The following SHTN1 variants were observed in gnomAD, a reference collection of about 807,000 sequenced individuals.
SHTN1 encodes the protein shootin-1.
SHTN1 carries 42 observed loss-of-function variants against 83.1 expected under a neutral mutation model. The ratio of observed to expected loss-of-function variants is 0.51; its 90% confidence interval spans 0.39 to 0.65. The LOEUF (loss-of-function observed/expected upper bound fraction) is 0.65, where lower values mean the gene tolerates loss of function less well. Ranked by LOEUF, SHTN1 falls within the 30% of genes least tolerant of loss-of-function variation. The pLI is 0.00. For missense variants in SHTN1, 622 were observed against 737.8 expected (o/e 0.84, Z 1.82); for synonymous variants, 224 against 247.7 (o/e 0.90, Z 0.90).
chr10:117,001,042 C>T (rs1389314155), intron 1 of SHTN1, among the ~76,000 whole-genome samples: 1 of 151,848 alleles, frequency 6.6e-6, no homozygotes, highest in Non-Finnish European at 1.5e-5. Flanking sequence ...GGAGGGGGAG[C>T]AAATTGTATG....
chr10:116,962,660 T>C (rs1328811615), intron 3 of SHTN1, among the ~76,000 whole-genome samples: 1 of 152,204 alleles, frequency 6.6e-6, no homozygotes, highest in Non-Finnish European at 1.5e-5. Context: ...ATTTATTTTC[T>C]GAACATTTTG....
chr10:116,943,777 C>T (rs1030887639), intron 8 of SHTN1, among the ~76,000 whole-genome samples: 3 of 152,310 alleles, frequency 2.0e-5, no homozygotes, highest in Non-Finnish European at 4.4e-5. Context: ...GCCTTGGATA[C>T]CTCTACCTAG....
intron 14 of SHTN1, among the ~76,000 whole-genome samples, chr10:116,909,744 A>G (rs1398168475): frequency 6.6e-6 from 1 of 152,178 alleles, no homozygotes; most frequent in African/African-American, 2.4e-5. Context: ...CTTGTTTTCT[A>G]CCTGGGGGCT....
chr10:116,948,813 T>G (rs1456721746), intron 7 of SHTN1, 103 bp downstream of exon 7: 2 of 710,834 alleles, frequency 2.8e-6, no homozygotes, highest in Non-Finnish European at 4.1e-6. Flanking sequence ...GGAGAAGATT[T>G]TATTTACAGT....
chr10:116,917,367 C>T (rs914759627), intron 12 of SHTN1, among the ~76,000 whole-genome samples: 21 of 152,240 alleles, frequency 1.4e-4, no homozygotes, highest in Middle Eastern at 3.4e-3. Flanking sequence ...TGCAATGGCA[C>T]GATCTCGGCT....
intron 1 of SHTN1, among the ~76,000 whole-genome samples, chr10:117,083,744 CTTT>C (rs1324277223): frequency 6.6e-6 from 1 of 152,152 alleles, no homozygotes; most frequent in Non-Finnish European, 1.5e-5. Flanking sequence ...TCTTTTTATT[CTTT>C]TTTCTCTAAA....
At chr10:117,012,107 C>T (rs1175443051) in intron 2 of SHTN1, among the ~76,000 whole-genome samples, 7 of 150,088 alleles carry the variant, frequency 4.7e-5, no homozygotes, top group African/African-American at 1.7e-4. Context: ...CCACTGCATT[C>T]CAGCCTGGGC....
chr10:116,885,411 A>G lies in SHTN1; in HGVS notation c.*933T>C, dbSNP rs1021459111. Reference sequence around the variant, plus strand: ...TTTATTCACTGTGGTAGCCTGAAACATTGTATTTTTAGAGACTAACTACTG... The same window carrying G: ...TTTATTCACTGTGGTAGCCTGAAACGTTGTATTTTTAGAGACTAACTACTG... On this transcript the variant is annotated 3_prime_UTR_variant, in exon 17 of 17. Coordinates refer to ENST00000355371, the MANE Select transcript of SHTN1 (RefSeq NM_001127211.3). 1 of 152,548 alleles carries G rather than the reference A, an allele frequency of 6.6e-6. No individual in the cohort carries two copies. The highest frequency in any genetic ancestry group is 1.5e-5 in the Non-Finnish European group (1 of 68,026). 9.4% of individuals were successfully genotyped at this position (152,548 alleles called of 1,614,324 possible). A position where few individuals can be genotyped will look rare whatever the true frequency, so the allele number is the denominator to read the frequency against.
chr10:117,099,009 T>TACACACACACACACACACACAC (rs371738555), intron 1 of SHTN1, among the ~76,000 whole-genome samples: 3 of 141,030 alleles, frequency 2.1e-5, no homozygotes, highest in Non-Finnish European at 4.6e-5. Context: ...GTGGTATGTA[T>TACACACACACACACACACACAC]ACACACACAC....
chr10:116,891,739 C>T (rs2133304251), intron 16 of SHTN1, among the ~76,000 whole-genome samples: 1 of 151,978 alleles, frequency 6.6e-6, no homozygotes, highest in East Asian at 1.9e-4. Flanking sequence ...TCCAAAACTT[C>T]ACAAATTTTT....
intron 2 of SHTN1, among the ~76,000 whole-genome samples, chr10:116,977,519 T>G (rs1412648708): frequency 6.6e-6 from 1 of 152,208 alleles, no homozygotes; most frequent in Non-Finnish European, 1.5e-5. Context: ...AGGTTTACTT[T>G]GGAATTTTGG....
At chr10:116,942,344 C>G (rs1483349472) in intron 8 of SHTN1, among the ~76,000 whole-genome samples, 1 of 151,972 alleles carries the variant, frequency 6.6e-6, no homozygotes, top group African/African-American at 2.4e-5. Flanking sequence ...TCCCAAGTAG[C>G]TGGGACTACA....
intron 9 of SHTN1, among the ~76,000 whole-genome samples, chr10:116,932,072 C>T (rs968466962): frequency 3.3e-5 from 5 of 152,186 alleles, no homozygotes; most frequent in Non-Finnish European, 7.3e-5. Flanking sequence ...ACTTCAAATT[C>T]TGGATTTTGA....
rs549189318 is a variant in SHTN1 at position 116,932,910 on chromosome 10, T to G, written c.859-2908A>C. ...TTCAGTAGGTTCTAGGCACGTATTA[T>G]TTACTAAATGATTTAACTGTAAGTA... On this transcript the variant is annotated intron_variant, in intron 9 of 16. Transcript: ENST00000355371. Among the ~76,000 whole-genome samples, 3 of 152,352 alleles carry G rather than the reference T, an allele frequency of 2.0e-5. No individual in the cohort carries two copies. In the South Asian group the frequency reaches 6.2e-4, roughly 32 times the overall value.
Position 117,065,852 on chromosome 10 carries a change from G to GGAAA in SHTN1, c.-188-17346_-188-17343dup, listed in dbSNP as rs1177378350. Among the ~76,000 whole-genome samples, 11 of 68,940 alleles carry GGAAA rather than the reference G, an allele frequency of 1.6e-4. 1 individual carries two copies. The East Asian group carries it at 3.6e-3, about 23-fold the overall frequency. The allele number at this position is 68,940 out of a possible 152,430, so 45.2% of individuals were successfully genotyped here. A position where few individuals can be genotyped will look rare whatever the true frequency, so the allele number is the denominator to read the frequency against. On this transcript the variant is annotated intron_variant, in intron 1 of 17. Coordinates refer to the SHTN1 transcript ENST00000392901. ...AGGAAGGAAGGAAGGAAGGAAGGAA[G>GGAAA]GAAAGGAGGGAGGGAGGGAGGGAGG...
At chr10:117,047,903 CAA>C (rs58029184) in intron 2 of SHTN1, among the ~76,000 whole-genome samples, 7 of 139,554 alleles carry the variant, frequency 5.0e-5, no homozygotes, top group Admixed American at 1.4e-4. Context: ...AGGCATGAGC[CAA>C]AAAAAAAAAA....
At chr10:116,958,862 G>A (rs1850078341) in intron 4 of SHTN1, among the ~76,000 whole-genome samples, 1 of 152,040 alleles carries the variant, frequency 6.6e-6, no homozygotes, top group African/African-American at 2.4e-5. Context: ...ACATAACCAG[G>A]AACAAAACCT....
At chr10:117,016,007 G>A (rs1852175619) in intron 2 of SHTN1, among the ~76,000 whole-genome samples, 1 of 151,942 alleles carries the variant, frequency 6.6e-6, no homozygotes, top group African/African-American at 2.4e-5. Context: ...CTTTCTTTTT[G>A]CATTCACTGC....
chr10:117,103,454 T>C (rs1215981126), intron 1 of SHTN1, among the ~76,000 whole-genome samples: 2 of 151,976 alleles, frequency 1.3e-5, no homozygotes, highest in Non-Finnish European at 2.9e-5. Context: ...TTCTACATAC[T>C]TTTCCTTAGC....
Sources: allele counts gnomAD v4.1 joint callset (sites outside exome capture counted in the v4.1 genomes callset), GRCh38; gene constraint gnomAD v4.1.1; transcripts MANE v1.5; gene names NCBI Gene and HGNC (gene_info 2026-07-23, HGNC 2026-07-21).